The following MAL2 variants were observed in gnomAD, a reference collection of about 807,000 sequenced individuals.
MAL2 encodes protein MAL2.
In MAL2, 17 loss-of-function variants were observed where a neutral mutation model predicts 18.1. The observed-to-expected ratio is 0.94, with a 90% CI of 0.64 to 1.41. The LOEUF (loss-of-function observed/expected upper bound fraction) is 1.41. MAL2 is among the 40% of genes most tolerant of loss of function. MAL2 has a pLI of 0.00. For synonymous variants in MAL2, 102 were observed against 102.3 expected (o/e 1.00, Z 0.02); for missense variants, 222 against 231.9 (o/e 0.96, Z 0.28).
intron 1 of MAL2, among the ~76,000 whole-genome samples, chr8:119,219,521 GT>G (rs1304422261): frequency 0.06 from 49 of 822 alleles, no homozygotes; most frequent in East Asian, 0.4. Flanking sequence ...CTCTCCCTGG[GT>G]GTGTGTGTGT....
At chr8:119,231,610 G>A (rs1817730631) in intron 2 of MAL2, among the ~76,000 whole-genome samples, 1 of 152,040 alleles carries the variant, frequency 6.6e-6, no homozygotes, top group South Asian at 2.1e-4. Context: ...ATATCCAAAG[G>A]AAATGACATC....
intron 3 of MAL2, among the ~76,000 whole-genome samples, chr8:119,241,653 C>T (rs1234108303): frequency 6.6e-6 from 1 of 151,958 alleles, no homozygotes; most frequent in Non-Finnish European, 1.5e-5. Flanking sequence ...TGTAAGTTTC[C>T]CAAGTCTCTG....
At chr8:119,225,368 G>C (rs1817568249) in intron 2 of MAL2, among the ~76,000 whole-genome samples, 1 of 151,972 alleles carries the variant, frequency 6.6e-6, no homozygotes, top group African/African-American at 2.4e-5. Flanking sequence ...AGAACATGCA[G>C]TGTTTGTTTG....
chr8:119,225,684 G>A (rs1279516811), intron 2 of MAL2, among the ~76,000 whole-genome samples: 1 of 152,190 alleles, frequency 6.6e-6, no homozygotes, highest in African/African-American at 2.4e-5. Flanking sequence ...AGATCCCTGA[G>A]GAATCGCCAC....
At chr8:119,221,823 G>A (rs541983981) in intron 2 of MAL2, 66 bp downstream of exon 2, 4 of 1,525,644 alleles carry the variant, frequency 2.6e-6, no homozygotes, top group Admixed American at 3.7e-5. Context: ...ATTCTGTTCT[G>A]AAATGCCAGA....
chr8:119,232,960 T>G (rs2129872725), intron 2 of MAL2, among the ~76,000 whole-genome samples: 1 of 152,316 alleles, frequency 6.6e-6, no homozygotes, highest in Middle Eastern at 3.4e-3. Context: ...AGACAGTTTG[T>G]TATAATTTCT....
intron 2 of MAL2, among the ~76,000 whole-genome samples, chr8:119,225,622 T>C (rs1383123842): frequency 2.6e-5 from 4 of 152,246 alleles, no homozygotes. Context: ...TATAATCCTT[T>C]GGGTATATAC....
At chr8:119,241,035 A>T (rs949889683) in intron 3 of MAL2, among the ~76,000 whole-genome samples, 1 of 152,216 alleles carries the variant, frequency 6.6e-6, no homozygotes, top group Non-Finnish European at 1.5e-5. Flanking sequence ...GATATTTAAT[A>T]TAAGTATATG....
At chr8:119,227,141 G>A (rs576844744) in intron 2 of MAL2, among the ~76,000 whole-genome samples, 1 of 152,308 alleles carries the variant, frequency 6.6e-6, no homozygotes, top group African/African-American at 2.4e-5. Context: ...AGTAGACAAT[G>A]TAAGTAAATT....
At chr8:119,225,389 C>G (rs1216843689) in intron 2 of MAL2, among the ~76,000 whole-genome samples, 1 of 151,938 alleles carries the variant, frequency 6.6e-6, no homozygotes, top group East Asian at 1.9e-4. Context: ...GTTTTTTGTC[C>G]TTGTGATAGT....
intron 1 of MAL2, among the ~76,000 whole-genome samples, chr8:119,212,240 A>C (rs1437170133): frequency 2.0e-5 from 3 of 152,258 alleles, no homozygotes; most frequent in African/African-American, 7.2e-5. Context: ...TTGAATTTTT[A>C]ATAGTATTAA....
At chr8:119,235,973 T>G (rs200573273) in intron 2 of MAL2, among the ~76,000 whole-genome samples, 39 of 79,022 alleles carry the variant, frequency 4.9e-4, no homozygotes, top group African/African-American at 1.5e-3. Flanking sequence ...TGGACTAAAT[T>G]CTCCAATTAA....
intron 2 of MAL2, among the ~76,000 whole-genome samples, chr8:119,222,425 G>A (rs1269312948): frequency 6.6e-6 from 1 of 151,534 alleles, no homozygotes; most frequent in Non-Finnish European, 1.5e-5. Context: ...AGCTGGTTGG[G>A]AGGCAGAGGC....
chr8:119,233,869 A>T lies in MAL2; in HGVS notation c.304-6296A>T, dbSNP rs952522922. On this transcript the variant is annotated intron_variant, in intron 2 of 3. Transcript: ENST00000614891. ...GATACCAAAGCCGGGAAGAGACACA[A>T]CCAAAAAAGAGAATTTTAGACCAAT... Among the ~76,000 whole-genome samples, 7 of 152,248 alleles carry T rather than the reference A, an allele frequency of 4.6e-5. No individual in the cohort carries two copies. In the East Asian group the frequency reaches 1.2e-3, roughly 25 times the overall value.
At chr8:119,214,152 G>T (rs1315879034) in intron 1 of MAL2, among the ~76,000 whole-genome samples, 1 of 152,172 alleles carries the variant, frequency 6.6e-6, no homozygotes, top group East Asian at 1.9e-4. Flanking sequence ...AACCAGGTTG[G>T]CATACCCAGT....
intron 3 of MAL2, among the ~76,000 whole-genome samples, chr8:119,242,633 C>G (rs1818069245): frequency 6.6e-6 from 1 of 152,124 alleles, no homozygotes; most frequent in South Asian, 2.1e-4. Context: ...GAAAGAAAAG[C>G]AGAATAGTAA....
intron 1 of MAL2, among the ~76,000 whole-genome samples, chr8:119,209,857 GA>G (rs1468570535): frequency 1.3e-5 from 2 of 152,220 alleles, no homozygotes; most frequent in Non-Finnish European, 2.9e-5. Flanking sequence ...GCCTGGTTCA[GA>G]AGCATCTGAG....
chr8:119,209,774 G>A (rs1438714932), intron 1 of MAL2, among the ~76,000 whole-genome samples: 5 of 152,198 alleles, frequency 3.3e-5, no homozygotes, highest in Admixed American at 3.3e-4. Context: ...GAATCTGAAA[G>A]AGGAGACGTG....
chr8:119,231,037 T>C (rs867022725), intron 2 of MAL2, among the ~76,000 whole-genome samples: 1 of 152,096 alleles, frequency 6.6e-6, no homozygotes, highest in African/African-American at 2.4e-5. Flanking sequence ...TTTTTTTATT[T>C]TTTGTTTGTT....
Sources: gnomAD v4.1 joint callset for allele counts (sites outside exome capture counted in the v4.1 genomes callset) on GRCh38, gnomAD v4.1.1 for gene constraint, MANE v1.5 for transcripts, NCBI Gene and HGNC (gene_info 2026-07-23, HGNC 2026-07-21) for gene names.